DUSP13B: variants seen among roughly 807,000 people sequenced by gnomAD.
DUSP13B encodes dual specificity phosphatase 13B, also known as dual specificity protein phosphatase 13B.
At chr10:75,104,212 T>C in the DUSP13B span, 1 of 644,420 alleles carries the variant, frequency 1.6e-6, no homozygotes, top group South Asian at 1.7e-5. Context: ...CCTTGAGCCC[T>C]GTGCATAAGG....
chr10:75,095,723 C>G, the DUSP13B span: 37 of 1,614,242 alleles, frequency 2.3e-5, 1 homozygote, highest in African/African-American at 1.1e-4. Context: ...CCACCTGGAA[C>G]TTGCCTGCAG....
the DUSP13B span, chr10:75,098,993 C>A: frequency 8.1e-7 from 1 of 1,232,260 alleles, no homozygotes; most frequent in South Asian, 4.1e-5. Flanking sequence ...ACTGCTGAGC[C>A]ACACACCTGC....
At chr10:75,105,875 A>T in the DUSP13B span, 1 of 1,545,452 alleles carries the variant, frequency 6.5e-7, no homozygotes, top group Non-Finnish European at 8.7e-7. Flanking sequence ...TTGGCTGAGG[A>T]AGACATCCTG....
the DUSP13B span, chr10:75,095,484 C>G: frequency 6.6e-6 from 8 of 1,218,000 alleles, no homozygotes; most frequent in Admixed American, 1.3e-4. Context: ...GGGTTTGTCT[C>G]TCTGGACTCC....
chr10:75,095,787 G>C, the DUSP13B span: 3 of 1,614,072 alleles, frequency 1.9e-6, no homozygotes, highest in Non-Finnish European at 2.5e-6. Context: ...CTTGTCCCGG[G>C]CTGCGTACCT....
chr10:75,099,293 C>T, the DUSP13B span: 53 of 1,232,212 alleles, frequency 4.3e-5, no homozygotes, highest in Non-Finnish European at 5.0e-5. Context: ...GAAAAAGAAA[C>T]AGGCACCCAG....
chr10:75,099,272 T>C, the DUSP13B span: 1 of 1,232,278 alleles, frequency 8.1e-7, no homozygotes, highest in Non-Finnish European at 1.0e-6. Context: ...TGGTAGGCAG[T>C]GCCAGGACCA....
the DUSP13B span, among the ~76,000 whole-genome samples, chr10:75,106,971 C>G: frequency 6.6e-6 from 1 of 152,230 alleles, no homozygotes; most frequent in African/African-American, 2.4e-5. Context: ...GACACAAAGC[C>G]AGGACACCAG....
At chr10:75,099,252 C>G in the DUSP13B span, 1 of 1,232,292 alleles carries the variant, frequency 8.1e-7, no homozygotes, top group Non-Finnish European at 1.0e-6. Context: ...GGAAGAACAT[C>G]TTTTCCCTTT....
the DUSP13B span, among the ~76,000 whole-genome samples, chr10:75,102,728 G>A: frequency 6.6e-5 from 10 of 152,110 alleles, no homozygotes; most frequent in Admixed American, 4.6e-4. Flanking sequence ...CGAGGTGGGC[G>A]GATCACCTGA....
At chr10:75,105,850 C>G in the DUSP13B span, 1 of 1,550,308 alleles carries the variant, frequency 6.5e-7, no homozygotes, top group South Asian at 1.2e-5. Context: ...GCCCACCACA[C>G]AGTGCACCAG....
chr10:75,097,672 C>A, the DUSP13B span: 61 of 1,507,440 alleles, frequency 4.0e-5, no homozygotes, highest in Non-Finnish European at 5.3e-5. Context: ...GAACCTCACA[C>A]CCTTCCGCCA....
At chr10:75,099,124 C>A in the DUSP13B span, 40 of 1,232,260 alleles carry the variant, frequency 3.2e-5, no homozygotes, top group East Asian at 1.1e-3. Flanking sequence ...AGGGACCCTG[C>A]GGAGCTGGAT....
the DUSP13B span, chr10:75,097,895 A>C: frequency 4.4e-6 from 7 of 1,575,930 alleles, no homozygotes; most frequent in East Asian, 1.6e-4. Flanking sequence ...CCTGGAACAG[A>C]GTGGACACCG....
chr10:75,108,129 C>G, the DUSP13B span: 9 of 1,613,542 alleles, frequency 5.6e-6, no homozygotes, highest in Non-Finnish European at 5.9e-6. Flanking sequence ...GCCGCCCTGA[C>G]AGTAGAGGCC....
At chr10:75,106,751 T>C in the DUSP13B span, among the ~76,000 whole-genome samples, 1 of 152,236 alleles carries the variant, frequency 6.6e-6, no homozygotes, top group Non-Finnish European at 1.5e-5. Context: ...AGTATTTAGC[T>C]CAGTGCCAGG....
chr10:75,107,203 C>T, the DUSP13B span, among the ~76,000 whole-genome samples: 1 of 151,996 alleles, frequency 6.6e-6, no homozygotes, highest in Non-Finnish European at 1.5e-5. Flanking sequence ...GGTATGGTGG[C>T]GGATGCCTGT....
chr10:75,094,655 G>A, the DUSP13B span: 1 of 1,612,002 alleles, frequency 6.2e-7, no homozygotes, highest in Non-Finnish European at 8.5e-7. Context: ...CAAGGGTCAG[G>A]GATCCTGGCT....
At chr10:75,103,759 G>A in the DUSP13B span, 516 of 664,998 alleles carry the variant, frequency 7.8e-4, 2 homozygotes, top group Non-Finnish European at 9.9e-4. Flanking sequence ...AGCTGCTGGA[G>A]ACAGCTGTGG....
Sources: allele counts gnomAD v4.1 joint callset (sites outside exome capture counted in the v4.1 genomes callset), GRCh38; gene constraint gnomAD v4.1.1; transcripts MANE v1.5; gene names NCBI Gene and HGNC (gene_info 2026-07-23, HGNC 2026-07-21).